SCGB2A2: variants seen among roughly 807,000 people sequenced by gnomAD.
SCGB2A2 encodes secretoglobin family 2A member 2, also known as mammaglobin-A.
In SCGB2A2, 11 loss-of-function variants were observed where a neutral mutation model predicts 8.8. That is an observed-to-expected ratio of 1.25 (90% CI 0.79 to 2.07). The LOEUF (loss-of-function observed/expected upper bound fraction) is 2.07. Ranked by LOEUF, SCGB2A2 falls within the 30% of genes most tolerant of loss-of-function variation. SCGB2A2 has a pLI of 0.00. For missense variants in SCGB2A2, 113 were observed against 109.9 expected (o/e 1.03, Z -0.13); for synonymous variants, 42 against 40.9 (o/e 1.03, Z -0.10).
intron 1 of SCGB2A2, 75 bp downstream of exon 1, chr11:62,270,346 C>G: frequency 7.5e-7 from 1 of 1,335,360 alleles, no homozygotes. Context: ...ACTCCTGCTC[C>G]CCAATTCTCA....
chr11:62,272,391 A>G (rs1251545366), intron 2 of SCGB2A2, among the ~76,000 whole-genome samples: 1 of 152,204 alleles, frequency 6.6e-6, no homozygotes, highest in African/African-American at 2.4e-5. Flanking sequence ...GAATATACAG[A>G]ACACTCCGAA....
At chr11:62,270,847 G>A (rs1454510805) in intron 1 of SCGB2A2, 34 bp from the exon 2 acceptor site, 2 of 1,586,960 alleles carry the variant, frequency 1.3e-6, no homozygotes, top group South Asian at 1.1e-5. Context: ...CATGCCTTCT[G>A]TACCAAGCTT....
At chr11:62,271,777 A>G (rs1945281186) in intron 2 of SCGB2A2, 1 of 985,870 alleles carries the variant, frequency 1.0e-6, no homozygotes, top group African/African-American at 1.7e-5. Context: ...GGAAAATACC[A>G]TTTGAGCAAG....
At chr11:62,271,589 A>G in intron 2 of SCGB2A2, 12 of 1,049,246 alleles carry the variant, frequency 1.1e-5, no homozygotes, top group Non-Finnish European at 1.4e-5. Flanking sequence ...CCACAGAAAC[A>G]CAGAGACACA....
At chr11:62,271,521 T>A (rs959719087) in intron 2 of SCGB2A2, 7 of 1,178,900 alleles carry the variant, frequency 5.9e-6, no homozygotes, top group Middle Eastern at 3.5e-4. Flanking sequence ...ACAGACACAA[T>A]CACACCAGCA....
intron 2 of SCGB2A2, among the ~76,000 whole-genome samples, chr11:62,272,739 A>G (rs1945290198): frequency 7.2e-6 from 1 of 138,490 alleles, no homozygotes; most frequent in Non-Finnish European, 1.5e-5. Flanking sequence ...TGAATACATT[A>G]TTTCAAAGAA....
In SCGB2A2 at chr11:62,270,957, ACTT is replaced by A; in HGVS notation, c.137_139del (p.Leu46del). The stretch of plus-strand genomic sequence containing the variant: ...AAGTGTCTAAGACTGAATACAAAGA[ACTT>A]CTTCAAGAGTTCATAGACGACAATG... On this transcript the variant is annotated inframe_deletion, in exon 2 of 3. Transcript: ENST00000227918. 1 of 1,614,150 alleles carries A rather than the reference ACTT, an allele frequency of 6.2e-7. No homozygotes were observed. Among genetic ancestry groups the A allele is most frequent in the Non-Finnish European group, 8.5e-7 (1 of 1,179,984 alleles).
At chr11:62,271,120 G>A (rs751582771) in intron 2 of SCGB2A2, 52 bp downstream of exon 2, 1 of 1,612,312 alleles carries the variant, frequency 6.2e-7, no homozygotes, top group South Asian at 1.1e-5. Context: ...CCAGGGACAA[G>A]TGGGCTCTTC....
intron 2 of SCGB2A2, 39 bp from the exon 3 acceptor site, chr11:62,272,918 G>T (rs1351240490): frequency 3.4e-6 from 5 of 1,473,012 alleles, no homozygotes; most frequent in African/African-American, 1.4e-5. Context: ...GTTAGAGAGT[G>T]CAGAAAATCT....
chr11:62,270,857 T>G lies in SCGB2A2; in HGVS notation c.56-24T>G, dbSNP rs758555967. ...CCTTTCATGCCTTCTGTACCAAGCT[T>G]GTTTCCTTGTGCATCCTTCCCAGGC... On this transcript the variant is annotated intron_variant, in intron 1 of 2. Coordinates refer to ENST00000227918, the MANE Select transcript of SCGB2A2 (RefSeq NM_002411.4). 5.0e-6 allele frequency: 8 copies of G among 1,605,370 alleles called. No individual in the cohort carries two copies. The African/African-American group carries it at 6.7e-5, about 13-fold the overall frequency.
chr11:62,272,720 C>A (rs552369689), intron 2 of SCGB2A2, among the ~76,000 whole-genome samples: 1 of 142,842 alleles, frequency 7.0e-6, no homozygotes, highest in African/African-American at 2.6e-5. Context: ...AATATAGTCA[C>A]GTATTTGTTG....
intron 2 of SCGB2A2, chr11:62,271,283 T>C (rs1945277426): frequency 2.1e-6 from 3 of 1,456,754 alleles, no homozygotes; most frequent in Admixed American, 2.7e-5. Flanking sequence ...CAGTGGATGA[T>C]AAATGAATAG....
intron 2 of SCGB2A2, chr11:62,271,450 AACAC>A: frequency 1.5e-6 from 2 of 1,357,984 alleles, no homozygotes; most frequent in Non-Finnish European, 1.9e-6. Flanking sequence ...CAATCACACA[AACAC>A]ACACACATTC....
intron 2 of SCGB2A2, among the ~76,000 whole-genome samples, chr11:62,272,572 G>A (rs1473633836): frequency 6.6e-6 from 1 of 151,908 alleles, no homozygotes; most frequent in Non-Finnish European, 1.5e-5. Context: ...CAATGGTGGT[G>A]GCAGAGGGCG....
In SCGB2A2 at chr11:62,270,949, T is replaced by C; in HGVS notation, c.124T>C (p.Tyr42His). 6.2e-7 allele frequency: 1 copy of C among 1,614,120 alleles called. No individual in the cohort carries two copies. Among genetic ancestry groups the C allele is most frequent in the Non-Finnish European group, 8.5e-7 (1 of 1,179,978 alleles). ...TINPQVSKTE[Y>H]KELLQEFIDD... ...CAATCCACAAGTGTCTAAGACTGAA[T>C]ACAAAGAACTTCTTCAAGAGTTCAT... is the stretch of plus-strand genomic sequence containing the variant. The change falls in exon 2 of 3, where the codon TAC (tyrosine) becomes CAC (histidine). Residue 42 changes from tyrosine to histidine, a missense_variant. Transcript: ENST00000227918.
At chr11:62,272,044 A>T (rs1445918127) in intron 2 of SCGB2A2, 1 of 583,148 alleles carries the variant, frequency 1.7e-6, no homozygotes, top group Admixed American at 7.5e-5. Context: ...TTCCCTGGTA[A>T]AAAAAAAAAA....
chr11:62,271,600 CACAA>C (rs1945279661), intron 2 of SCGB2A2: 1 of 1,042,328 alleles, frequency 9.6e-7, no homozygotes, highest in African/African-American at 1.7e-5. Context: ...CAGAGACACA[CACAA>C]ACACACTCAG....
intron 2 of SCGB2A2, chr11:62,271,450 A>T (rs1294156278): frequency 1.7e-5 from 23 of 1,357,866 alleles, no homozygotes; most frequent in Non-Finnish European, 2.2e-5. Flanking sequence ...CAATCACACA[A>T]ACACACACAC....
At chr11:62,270,309 G>A (rs749895161) in intron 1 of SCGB2A2, 38 bp downstream of exon 1, 3 of 1,601,082 alleles carry the variant, frequency 1.9e-6, no homozygotes, top group African/African-American at 2.7e-5. Context: ...CGGGGTTAGG[G>A]GTTGTCACTT....
Sources: gnomAD v4.1 joint callset for allele counts (sites outside exome capture counted in the v4.1 genomes callset) on GRCh38, gnomAD v4.1.1 for gene constraint, MANE v1.5 for transcripts, NCBI Gene and HGNC (gene_info 2026-07-23, HGNC 2026-07-21) for gene names.